The following TET1 variants were observed in gnomAD, a reference collection of about 807,000 sequenced individuals.
The protein encoded by TET1 is methylcytosine dioxygenase TET1.
A neutral mutation model predicts 148.7 loss-of-function variants in TET1; 13 were observed. The ratio of observed to expected loss-of-function variants is 0.09; its 90% CI spans 0.06 to 0.14. The LOEUF is 0.14. Among genes scored for constraint, TET1 ranks in the 10% least tolerant of loss-of-function variants. The pLI, the probability that TET1 is intolerant of heterozygous loss-of-function variation, is 1.00. For synonymous variants in TET1, 907 were observed against 937.2 expected, an observed-to-expected ratio of 0.97 and a Z score of 0.59; for missense variants, 2,182 against 2,553.8, an observed-to-expected ratio of 0.85 and a Z score of 3.14.
At chr10:68,569,225 T>G (rs2053640507) in intron 1 of TET1, among the ~76,000 whole-genome samples, 1 of 136,494 alleles carries the variant, frequency 7.3e-6, no homozygotes, top group Non-Finnish European at 1.5e-5. Context: ...CAGGCTGGAG[T>G]GCAGTGGTGC....
At chr10:68,604,219 T>C (rs1306861327) in intron 3 of TET1, among the ~76,000 whole-genome samples, 1 of 152,128 alleles carries the variant, frequency 6.6e-6, no homozygotes, top group Non-Finnish European at 1.5e-5. Context: ...TGGGAGCAGG[T>C]GAGTAGGAGT....
At position 68,645,270 on chromosome 10, in the gene TET1, T is replaced by C; in HGVS notation, c.2541T>C (p.Ala847=). 3.1e-6 allele frequency: 5 copies of C among 1,614,148 alleles called. No individual in the cohort carries two copies. Among genetic ancestry groups the C allele is most frequent in the Non-Finnish European group, 4.2e-6 (5 of 1,180,030 alleles). ...HSSHSIINHH[A]SIHNEGDQPK... ...CACACTCCATCATAAATCATCATGCTAGTATACACAATGAAGGTGATCAAC... is the reference window on the plus strand; with the variant it reads ...CACACTCCATCATAAATCATCATGCCAGTATACACAATGAAGGTGATCAAC... Residue 847 remains alanine, a synonymous_variant, in exon 4 of 12, where the codon GCT becomes GCC. Coordinates refer to ENST00000373644, the MANE Select transcript of TET1 (RefSeq NM_030625.3).
chr10:68,603,630 G>A (rs1389515143), intron 3 of TET1, among the ~76,000 whole-genome samples: 1 of 152,062 alleles, frequency 6.6e-6, no homozygotes, highest in Admixed American at 6.6e-5. Flanking sequence ...AATTAGCTGG[G>A]TGCGACGGTG....
intron 8 of TET1, among the ~76,000 whole-genome samples, chr10:68,676,249 T>C (rs1183393364): frequency 7.4e-5 from 2 of 27,018 alleles, no homozygotes; most frequent in Non-Finnish European, 1.1e-4. Context: ...TATATATATA[T>C]ATATATATAT....
Position 68,624,662 on chromosome 10 carries a change from C to CTTTCTTTCTTTCTT in TET1, c.1969-20035_1969-20034insTTCTTTCTTTCTTT, listed in dbSNP as rs1564975112. On this transcript the variant is annotated intron_variant, in intron 3 of 11. Coordinates refer to ENST00000373644, the MANE Select transcript of TET1 (RefSeq NM_030625.3). ...TTTCTTTCTTTCTTTCTTTCTTTCT[C>CTTTCTTTCTTTCTT]TCTCTCTCTCTCTCTCTCTCTCTCT... 1.8e-3 allele frequency among the ~76,000 whole-genome samples: 146 copies of CTTTCTTTCTTTCTT among 81,168 alleles called. 1 individual carries two copies. The highest frequency in any genetic ancestry group is 5.1e-3 in the South Asian group (10 of 1,948). 53.2% of individuals were successfully genotyped at this position (81,168 alleles called of 152,430 possible).
intron 3 of TET1, among the ~76,000 whole-genome samples, chr10:68,609,822 C>G (rs2054181043): frequency 6.6e-6 from 1 of 151,802 alleles, no homozygotes; most frequent in Non-Finnish European, 1.5e-5. Context: ...TACACCATAT[C>G]ATAGGATTAT....
chr10:68,684,349 A>G (rs1464850829), intron 10 of TET1, among the ~76,000 whole-genome samples: 1 of 147,798 alleles, frequency 6.8e-6, no homozygotes, highest in South Asian at 2.1e-4. Context: ...GTAGAAGAGT[A>G]TTGGTGATAG....
chr10:68,693,077 T>G lies in TET1; in HGVS notation c.*1263T>G. 1 of 230,008 alleles carries G rather than the reference T, an allele frequency of 4.3e-6. No individual in the cohort carries two copies. The highest frequency in any genetic ancestry group is 8.5e-6 in the Non-Finnish European group (1 of 117,140). The allele number at this position is 230,008 out of a possible 1,614,324, so 14.2% of individuals were successfully genotyped here. On this transcript the variant is annotated 3_prime_UTR_variant, in exon 12 of 12. Coordinates refer to ENST00000373644, the MANE Select transcript of TET1 (RefSeq NM_030625.3). ...GTCCATTAAGAGCTAATTCATTTGT[T>G]TATCTTAGCATACTAGATTTGGGAA...
intron 3 of TET1, among the ~76,000 whole-genome samples, chr10:68,638,842 A>G (rs1388006726): frequency 6.6e-6 from 1 of 150,620 alleles, no homozygotes; most frequent in Non-Finnish European, 1.5e-5. Context: ...TTCTGTTCAA[A>G]TGACTCAGTC....
At chr10:68,606,378 C>CA (rs1177890050) in intron 3 of TET1, among the ~76,000 whole-genome samples, 3 of 152,036 alleles carry the variant, frequency 2.0e-5, no homozygotes, top group African/African-American at 7.2e-5. Context: ...AACAAACAAA[C>CA]AAAAAACCCT....
chr10:68,667,099 A>G lies in TET1; in HGVS notation c.4516A>G (p.Thr1506Ala). The G allele has an allele frequency of 6.2e-7, 1 of 1,614,192 alleles. No individual in the cohort carries two copies. Among genetic ancestry groups the G allele is most frequent in the Non-Finnish European group, 8.5e-7 (1 of 1,180,024 alleles). ...EKVLCLVRQR[T>A]GHHCPTAVMV... ...AGTTCTTTGTTTGGTCCGGCAGCGT[A>G]CAGGCCACCACTGTCCAACTGCTGT... The change falls in exon 7 of 12, where the codon ACA becomes GCA. Residue 1506 changes from threonine to alanine, a missense_variant. Coordinates refer to ENST00000373644, the MANE Select transcript of TET1 (RefSeq NM_030625.3).
intron 2 of TET1, among the ~76,000 whole-genome samples, chr10:68,589,747 C>T (rs1435813722): frequency 6.7e-6 from 1 of 149,604 alleles, no homozygotes; most frequent in Non-Finnish European, 1.5e-5. Flanking sequence ...TCTCAGCTCA[C>T]TACAACCTCT....
intron 3 of TET1, among the ~76,000 whole-genome samples, chr10:68,640,419 G>A (rs924339694): frequency 1.4e-5 from 2 of 142,926 alleles, no homozygotes; most frequent in African/African-American, 2.6e-5. Flanking sequence ...GCCTGCCACC[G>A]TGTCCAGCTA....
intron 2 of TET1, among the ~76,000 whole-genome samples, chr10:68,599,539 G>C (rs1437891579): frequency 6.6e-6 from 1 of 152,228 alleles, no homozygotes; most frequent in African/African-American, 2.4e-5. Flanking sequence ...TGTGGTGCCA[G>C]CTGTCCCACT....
In TET1 at chr10:68,574,870, ATT is replaced by A. The variant is rs2053710468; in HGVS notation, c.1914+619_1914+620del. On this transcript the variant is annotated intron_variant, in intron 2 of 11. Coordinates refer to ENST00000373644, the MANE Select transcript of TET1 (RefSeq NM_030625.3). The stretch of plus-strand genomic sequence containing the variant: ...GTAAACTCCAAAGTGATACACAAAC[ATT>A]AGTTCTTATTATAGTTTATGAACCT... Among the ~76,000 whole-genome samples, 4 of 152,330 alleles carry A rather than the reference ATT, an allele frequency of 2.6e-5. No individual in the cohort carries two copies. The South Asian group carries it at 8.3e-4, about 32-fold the overall frequency.
intron 10 of TET1, 120 bp downstream of exon 10, chr10:68,683,093 A>G (rs2055458094): frequency 1.6e-6 from 2 of 1,217,112 alleles, no homozygotes; most frequent in Admixed American, 6.2e-5. Context: ...GTTATTAGAA[A>G]TAAGTGGAAA....
intron 7 of TET1, among the ~76,000 whole-genome samples, chr10:68,669,520 T>C (rs1181307356): frequency 7.3e-6 from 1 of 136,366 alleles, no homozygotes; most frequent in Non-Finnish European, 1.6e-5. Flanking sequence ...TTGGGGGGGT[T>C]TTTTTTTGTA....
intron 3 of TET1, among the ~76,000 whole-genome samples, chr10:68,637,915 G>T (rs2054679218): frequency 6.6e-6 from 1 of 151,972 alleles, no homozygotes; most frequent in Non-Finnish European, 1.5e-5. Context: ...AAGTAGCTGG[G>T]ATTACAGGCA....
intron 2 of TET1, among the ~76,000 whole-genome samples, chr10:68,593,895 T>G (rs113540059): frequency 0.29 from 41,494 of 142,930 alleles, 7,311 homozygotes; most frequent in Middle Eastern, 0.45. Context: ...ATTACAGGCG[T>G]GAGCCACTGC....
Sources: allele counts gnomAD v4.1 joint callset (sites outside exome capture counted in the v4.1 genomes callset), GRCh38; gene constraint gnomAD v4.1.1; transcripts MANE v1.5; gene names NCBI Gene and HGNC (gene_info 2026-07-23, HGNC 2026-07-21).